Variants in NFIX observed in about 807,000 individuals in gnomAD.
NFIX encodes nuclear factor 1 X-type.
NFIX carries 2 observed loss-of-function variants against 53.3 expected under a neutral mutation model. The ratio of observed to expected loss-of-function variants is 0.04; its 90% confidence interval spans 0.02 to 0.12. The LOEUF (loss-of-function observed/expected upper bound fraction) is 0.12, where lower values mean the gene tolerates loss of function less well. Ranked by LOEUF, NFIX falls within the 10% of genes least tolerant of loss-of-function variation. NFIX has a pLI of 1.00. For synonymous variants in NFIX, 244 were observed against 289.0 expected, an observed-to-expected ratio of 0.84 and a Z score of 1.58; for missense variants, 310 against 674.5, an observed-to-expected ratio of 0.46 and a Z score of 5.99.
intron 1 of NFIX, among the ~76,000 whole-genome samples, chr19:13,004,251 G>A (rs1599706142): frequency 6.6e-6 from 1 of 151,916 alleles, no homozygotes; most frequent in Non-Finnish European, 1.5e-5. Context: ...CAGATACACA[G>A]TAACACACAC....
At position 13,094,028 on chromosome 19, in the gene NFIX, G is replaced by C. The variant is rs1041105960; in HGVS notation, c.1495-607G>C. On this transcript the variant is annotated intron_variant, in intron 10 of 10. Coordinates refer to ENST00000592199, the MANE Select transcript of NFIX (RefSeq NM_001365902.3). The surrounding 1 kb of genome is among the most constrained non-coding windows in gnomAD (Gnocchi z 4.3). ...GCCTCAAGTCCTTCCTCAATGTCTG[G>C]TGCCCTGAGGGTAGAGGATCCAGCA... Among the ~76,000 whole-genome samples, 1 of 152,128 alleles carries C rather than the reference G, an allele frequency of 6.6e-6. No homozygotes were observed. Among genetic ancestry groups the C allele is most frequent in the Non-Finnish European group, 1.5e-5 (1 of 68,018 alleles).
In NFIX at chr19:13,013,729, A is replaced by G. The variant is rs573753376; in HGVS notation, c.28-11292A>G. The G allele has an allele frequency of 6.6e-6, 1 of 152,184 alleles. No homozygotes were observed. Among genetic ancestry groups the G allele is most frequent in the South Asian group, 2.1e-4 (1 of 4,820 alleles). The allele number at this position is 152,184 out of a possible 1,614,324, so 9.4% of individuals were successfully genotyped here. ...ATGTGAGACAGAGGCTGAATGGTAG[A>G]AACAGGCTGTTAAAAAAAGAAAAAT... On this transcript the variant is annotated intron_variant, in intron 1 of 10. Coordinates refer to ENST00000592199, the MANE Select transcript of NFIX (RefSeq NM_001365902.3). This position sits in a 1 kb window ranked among gnomAD's most constrained non-coding sequence, Gnocchi z 5.9.
intron 1 of NFIX, among the ~76,000 whole-genome samples, chr19:13,010,233 G>GCCAGATC (rs2012259871): frequency 6.6e-6 from 1 of 152,208 alleles, no homozygotes; most frequent in South Asian, 2.1e-4. Context: ...CCGCTCAGGG[G>GCCAGATC]CCAGATCCGG....
chr19:13,001,590 C>T lies in NFIX; in HGVS notation c.27+5726C>T, dbSNP rs1296477931. On this transcript the variant is annotated intron_variant, in intron 1 of 10. Transcript: ENST00000592199. This position sits in a 1 kb window ranked among gnomAD's most constrained non-coding sequence, Gnocchi z 6.5. ...TGTTTTTCTGGGTGTCTGTGCGTCA[C>T]GGCAAAGAGTGTATCCGTGTGTCTC... Among the ~76,000 whole-genome samples the T allele has an allele frequency of 6.6e-6, 1 of 152,304 alleles. No individual in the cohort carries two copies. Among genetic ancestry groups the T allele is most frequent in the Non-Finnish European group, 1.5e-5 (1 of 68,016 alleles).
intron 1 of NFIX, among the ~76,000 whole-genome samples, chr19:13,007,352 C>T (rs927240525): frequency 6.6e-6 from 1 of 152,152 alleles, no homozygotes; most frequent in African/African-American, 2.4e-5. Flanking sequence ...TTGGGGGGCA[C>T]ATGTTCTAAG....
intron 2 of NFIX, among the ~76,000 whole-genome samples, chr19:13,065,554 G>T (rs1010932719): frequency 2.6e-5 from 4 of 152,152 alleles, no homozygotes; most frequent in Non-Finnish European, 5.9e-5. Context: ...TGTGGCTGGG[G>T]GTCTCATTTA....
chr19:13,038,132 T>C lies in NFIX; in HGVS notation c.559+12580T>C, dbSNP rs78221001. 3.4e-3 allele frequency among the ~76,000 whole-genome samples: 521 copies of C among 152,262 alleles called. 6 individuals carry two copies. Among genetic ancestry groups the C allele is most frequent in the African/African-American group, 0.012 (505 of 41,544 alleles). On this transcript the variant is annotated intron_variant, in intron 2 of 10. Transcript: ENST00000592199. ...GTGGCTTCTGAGAGGGTCTTTCCCA[T>C]CTCAAAGCTCAGAGACCCTTTGAGA...
intron 2 of NFIX, among the ~76,000 whole-genome samples, chr19:13,059,651 T>C (rs1196141814): frequency 6.6e-6 from 1 of 151,936 alleles, no homozygotes; most frequent in African/African-American, 2.4e-5. Context: ...TCTAAGGACT[T>C]TGGGGAACCC....
At chr19:13,092,643 C>T (rs1201018090) in intron 10 of NFIX, among the ~76,000 whole-genome samples, 1 of 152,256 alleles carries the variant, frequency 6.6e-6, no homozygotes, top group East Asian at 1.9e-4. Context: ...TCAGCCTCCC[C>T]CTCAACCTCG....
rs1050022109 is a variant in NFIX at position 13,012,907 on chromosome 19, G to A, written c.28-12114G>A. 2.0e-5 allele frequency among the ~76,000 whole-genome samples: 3 copies of A among 151,694 alleles called. No homozygotes were observed. The highest frequency in any genetic ancestry group is 2.9e-5 in the Non-Finnish European group (2 of 67,906). ...TCTCTTTTGGGGGAGTAAAGGCGGG[G>A]AAATTTACCAGGGGAGATTTTTGTT... On this transcript the variant is annotated intron_variant, in intron 1 of 10. Coordinates refer to ENST00000592199, the MANE Select transcript of NFIX (RefSeq NM_001365902.3). The surrounding 1 kb of genome is among the most constrained non-coding windows in gnomAD (Gnocchi z 5.0).
intron 2 of NFIX, among the ~76,000 whole-genome samples, chr19:13,046,077 C>G (rs971318211): frequency 3.3e-5 from 5 of 152,206 alleles, no homozygotes; most frequent in Admixed American, 6.5e-5. Context: ...GGCAAGTAAA[C>G]CTGGATGGAG....
chr19:12,995,842 A>G lies in NFIX; in HGVS notation c.5A>G (p.Tyr2Cys). The G allele has an allele frequency of 1.0e-6, 1 of 985,008 alleles. No individual in the cohort carries two copies. The allele number at this position is 985,008 out of a possible 1,614,324, so 61.0% of individuals were successfully genotyped here. A position where few individuals can be genotyped will look rare whatever the true frequency, so the allele number is the denominator to read the frequency against. Residue 2 changes from tyrosine (Y) to cysteine (C), a missense_variant, in exon 1 of 11, where the codon TAC becomes TGC. This residue lies in a region of NFIX where 64 missense variants were observed against 144.5 expected (regional missense o/e 0.44). Transcript: ENST00000592199. ...CTCCCGCCCGGGCGCCCAGCTATGT[A>G]CTCCCCGTACTGCCTCACCCAGGTA... M[Y>C]SPYCLTQDEF...
chr19:13,021,180 G>T lies in NFIX; in HGVS notation c.28-3841G>T, dbSNP rs2012941266. Among the ~76,000 whole-genome samples the T allele has an allele frequency of 6.6e-6, 1 of 152,056 alleles. No homozygotes were observed. The highest frequency in any genetic ancestry group is 2.1e-4 in the South Asian group (1 of 4,834). Reference sequence around the variant, plus strand: ...TTGGTACCTTATGTCATGTCTCTGAGCTAACATCTTTGGCTGATTGGACTG... The same window carrying T: ...TTGGTACCTTATGTCATGTCTCTGATCTAACATCTTTGGCTGATTGGACTG... On this transcript the variant is annotated intron_variant, in intron 1 of 10. Coordinates refer to ENST00000592199, the MANE Select transcript of NFIX (RefSeq NM_001365902.3). This position sits in a 1 kb window ranked among gnomAD's most constrained non-coding sequence, Gnocchi z 4.2.
At chr19:13,071,703 C>A (rs2016787206) in intron 2 of NFIX, among the ~76,000 whole-genome samples, 1 of 152,174 alleles carries the variant, frequency 6.6e-6, no homozygotes, top group Non-Finnish European at 1.5e-5. Flanking sequence ...GGAAGTGGAG[C>A]CTGAAACAGT....
intron 2 of NFIX, among the ~76,000 whole-genome samples, chr19:13,056,719 C>T (rs114228959): frequency 3.3e-4 from 51 of 152,276 alleles, no homozygotes; most frequent in African/African-American, 1.2e-3. Flanking sequence ...GACCATTGAG[C>T]AGAATCAGCT....
Position 13,031,704 on chromosome 19 carries a change from A to G in NFIX, c.559+6152A>G, listed in dbSNP as rs543516817. Among the ~76,000 whole-genome samples, 71 of 152,174 alleles carry G rather than the reference A, an allele frequency of 4.7e-4. 1 individual carries two copies. Among genetic ancestry groups the G allele is most frequent in the African/African-American group, 1.7e-3 (71 of 41,540 alleles). On this transcript the variant is annotated intron_variant, in intron 2 of 10. Coordinates refer to ENST00000592199, the MANE Select transcript of NFIX (RefSeq NM_001365902.3). ...CATGCTGGAGGGGAGGGAAAGCCCA[A>G]AGGGCCTTATTTGGGGGATAGCTCA...
intron 2 of NFIX, among the ~76,000 whole-genome samples, chr19:13,029,428 G>T (rs1210540068): frequency 6.6e-6 from 1 of 152,118 alleles, no homozygotes; most frequent in African/African-American, 2.4e-5. Flanking sequence ...TCCAGATGGG[G>T]TCAGTCCTGC....
Position 13,093,577 on chromosome 19 carries a change from G to C in NFIX, c.1495-1058G>C, listed in dbSNP as rs1011353626. Among the ~76,000 whole-genome samples, 2 of 152,186 alleles carry C rather than the reference G, an allele frequency of 1.3e-5. No homozygotes were observed. The highest frequency in any genetic ancestry group is 1.3e-4 in the Admixed American group (2 of 15,288). Reference sequence around the variant, plus strand: ...TGGCTCTGTTGCCCGAGGGCTGTGTGGCCTCAGGCAGGTCACGTACCCCCT... The same window carrying C: ...TGGCTCTGTTGCCCGAGGGCTGTGTCGCCTCAGGCAGGTCACGTACCCCCT... On this transcript the variant is annotated intron_variant, in intron 10 of 10. Transcript: ENST00000592199. The surrounding 1 kb of genome is among the most constrained non-coding windows in gnomAD (Gnocchi z 4.7).
chr19:12,999,918 G>A (rs1003280820), intron 1 of NFIX, among the ~76,000 whole-genome samples: 15 of 152,246 alleles, frequency 9.9e-5, no homozygotes, highest in African/African-American at 2.9e-4. Context: ...GCCCACTGCT[G>A]GGGTGGGAGG....
Sources: allele counts gnomAD v4.1 joint callset (sites outside exome capture counted in the v4.1 genomes callset), GRCh38; gene constraint gnomAD v4.1.1; regional missense constraint gnomAD v4.1.1; non-coding constraint Gnocchi (gnomAD v3.1); transcripts MANE v1.5; gene names NCBI Gene and HGNC (gene_info 2026-07-23, HGNC 2026-07-21).